The following CEP128 variants were observed in gnomAD, a reference collection of about 807,000 sequenced individuals.
CEP128 encodes centrosomal protein 128, also known as centrosomal protein 128kDa.
In CEP128, 132 loss-of-function variants were observed where a neutral mutation model predicts 156.7. The observed-to-expected ratio is 0.84, with a 90% CI of 0.73 to 0.97. The LOEUF (loss-of-function observed/expected upper bound fraction) is 0.97. Ranked by LOEUF, CEP128 falls within the 50% of genes least tolerant of loss-of-function variation. CEP128 has a pLI of 0.00. For missense variants in CEP128, 1,252 were observed against 1,281.9 expected (o/e 0.98, Z 0.36); for synonymous variants, 469 against 448.9 (o/e 1.04, Z -0.57).
chr14:80,947,694 A>C (rs1886377360), intron 2 of CEP128, among the ~76,000 whole-genome samples: 1 of 152,168 alleles, frequency 6.6e-6, no homozygotes, highest in Non-Finnish European at 1.5e-5. Flanking sequence ...ATTCCCCCCA[A>C]AAGAAAAGAG....
chr14:80,573,155 C>T (rs1891218869), intron 20 of CEP128, among the ~76,000 whole-genome samples: 1 of 151,382 alleles, frequency 6.6e-6, no homozygotes, highest in Admixed American at 6.6e-5. Flanking sequence ...AAACTCCTGA[C>T]CTCAGGTGAT....
intron 21 of CEP128, among the ~76,000 whole-genome samples, chr14:80,541,644 C>A (rs1316102396): frequency 6.6e-6 from 1 of 151,992 alleles, no homozygotes; most frequent in East Asian, 1.9e-4. Flanking sequence ...ACAATCTTAC[C>A]CTTATCTAAA....
At chr14:80,885,034 C>CCACA (rs1356533113) in intron 8 of CEP128, among the ~76,000 whole-genome samples, 1 of 152,162 alleles carries the variant, frequency 6.6e-6, no homozygotes, top group East Asian at 1.9e-4. Context: ...GTGAGTAACA[C>CCACA]CACAGCAAGG....
At chr14:80,592,497 T>C (rs1595058046) in intron 19 of CEP128, among the ~76,000 whole-genome samples, 1 of 152,190 alleles carries the variant, frequency 6.6e-6, no homozygotes, top group Non-Finnish European at 1.5e-5. Context: ...GTTCTCAAAT[T>C]GAGGTAGTAA....
At chr14:80,686,395 C>T (rs1431472739) in intron 19 of CEP128, among the ~76,000 whole-genome samples, 1 of 152,060 alleles carries the variant, frequency 6.6e-6, no homozygotes, top group Non-Finnish European at 1.5e-5. Context: ...TTTGTCACCA[C>T]TGGCCTGCCT....
rs145089512 is a variant in CEP128 at position 80,707,262 on chromosome 14, A to G, written c.2806+35813T>C. On this transcript the variant is annotated intron_variant, in intron 19 of 24. Transcript: ENST00000555265. ...AGGTTTATCATGTGGGTCTTCACCT[A>G]CTTTTGTAGGCTATGGTTCTAATGA... Among the ~76,000 whole-genome samples, 18 of 152,248 alleles carry G rather than the reference A, an allele frequency of 1.2e-4. No homozygotes were observed. In the East Asian group the frequency reaches 3.5e-3, roughly 29 times the overall value.
intron 10 of CEP128, 143 bp downstream of exon 10, chr14:80,840,539 C>T (rs966658400): frequency 1.9e-6 from 1 of 533,982 alleles, no homozygotes; most frequent in African/African-American, 1.9e-5. Flanking sequence ...AGTAGAAGAG[C>T]CGTTGAACCA....
chr14:80,819,239 CTTTTTTTTTTTTT>C (rs1187431254), intron 13 of CEP128, among the ~76,000 whole-genome samples: 4 of 82,748 alleles, frequency 4.8e-5, no homozygotes, highest in African/African-American at 1.7e-4. Flanking sequence ...TGGCATCTTC[CTTTTTTTTTTTTT>C]TTTTTTTTTT....
At chr14:80,492,575 T>C (rs188872189), downstream of CEP128, among the ~76,000 whole-genome samples, 36 of 152,266 alleles carry the variant, frequency 2.4e-4, no homozygotes, top group African/African-American at 7.5e-4. Flanking sequence ...ATATTTCCAA[T>C]AGAAATATAG....
chr14:80,590,838 G>T (rs1276205881), intron 19 of CEP128, among the ~76,000 whole-genome samples: 1 of 152,156 alleles, frequency 6.6e-6, no homozygotes, highest in Non-Finnish European at 1.5e-5. Flanking sequence ...CCAGAAGAAA[G>T]TGGGGGCCAA....
chr14:80,877,068 T>A (rs1888318692), intron 8 of CEP128, among the ~76,000 whole-genome samples: 1 of 152,192 alleles, frequency 6.6e-6, no homozygotes, highest in Non-Finnish European at 1.5e-5. Flanking sequence ...TGAGGTGCTA[T>A]AAGATCTTTG....
At chr14:80,769,074 A>C (rs1030627710) in intron 16 of CEP128, among the ~76,000 whole-genome samples, 1 of 152,214 alleles carries the variant, frequency 6.6e-6, no homozygotes, top group Non-Finnish European at 1.5e-5. Context: ...ATGCATTTCT[A>C]TTTCTGAAAT....
chr14:80,619,695 T>G lies in CEP128; in HGVS notation c.2807-39272A>C, dbSNP rs1436408468. Among the ~76,000 whole-genome samples, 3 of 134,506 alleles carry G rather than the reference T, an allele frequency of 2.2e-5. No individual in the cohort carries two copies. In the Admixed American group the frequency reaches 2.3e-4, roughly 10 times the overall value. The allele number at this position is 134,506 out of a possible 152,430, so 88.2% of individuals were successfully genotyped here. A position where few individuals can be genotyped will look rare whatever the true frequency, so the allele number is the denominator to read the frequency against. ...CCAGCCTGGGCAACAAGAGCAAAAC[T>G]CTGTCTCAAGTTAAAAAAAAAAAAA... On this transcript the variant is annotated intron_variant, in intron 19 of 24. Transcript: ENST00000555265.
chr14:80,636,554 T>C (rs55859597), intron 19 of CEP128, among the ~76,000 whole-genome samples: 13,940 of 152,190 alleles, frequency 0.092, 2,040 homozygotes, highest in African/African-American at 0.31. Context: ...CTGCCAGCAA[T>C]GGCACCACAC....
chr14:80,720,004 C>A (rs1897753936), intron 19 of CEP128, among the ~76,000 whole-genome samples: 1 of 151,934 alleles, frequency 6.6e-6, no homozygotes, highest in Admixed American at 6.6e-5. Flanking sequence ...CAGAAAAGGA[C>A]CTACTTAGAT....
At chr14:80,856,773 C>T (rs1415314332) in intron 9 of CEP128, among the ~76,000 whole-genome samples, 1 of 136,176 alleles carries the variant, frequency 7.3e-6, no homozygotes, top group African/African-American at 2.8e-5. Flanking sequence ...ATCTGTCACC[C>T]AGGCTGGAGT....
At chr14:80,584,988 T>C (rs940629221) in intron 19 of CEP128, among the ~76,000 whole-genome samples, 2 of 152,260 alleles carry the variant, frequency 1.3e-5, no homozygotes, top group African/African-American at 2.4e-5. Flanking sequence ...TCAACTACCA[T>C]GTAAATTGCT....
intron 19 of CEP128, among the ~76,000 whole-genome samples, chr14:80,726,376 TAAG>T (rs1306667960): frequency 2.0e-5 from 3 of 152,130 alleles, no homozygotes; most frequent in African/African-American, 7.2e-5. Context: ...CAAACCTACA[TAAG>T]AAAAGAACTG....
chr14:80,872,136 T>C (rs1888058153), intron 8 of CEP128, among the ~76,000 whole-genome samples: 2 of 152,176 alleles, frequency 1.3e-5, no homozygotes, highest in East Asian at 3.9e-4. Context: ...TATAGAAAAC[T>C]AAAATAGAAT....
Sources: allele counts gnomAD v4.1 joint callset (sites outside exome capture counted in the v4.1 genomes callset), GRCh38; gene constraint gnomAD v4.1.1; transcripts MANE v1.5; gene names NCBI Gene and HGNC (gene_info 2026-07-23, HGNC 2026-07-21).